Variants in CTNNA3 observed in about 807,000 individuals in gnomAD.
The protein encoded by CTNNA3 is catenin alpha-3.
In CTNNA3, 76 loss-of-function variants were observed where a neutral mutation model predicts 95.7. That is an observed-to-expected ratio of 0.79 (90% CI 0.66 to 0.96). The LOEUF (loss-of-function observed/expected upper bound fraction) is 0.96. Ranked by LOEUF, CTNNA3 falls within the 40% of genes least tolerant of loss-of-function variation. CTNNA3 has a pLI of 0.00. For missense variants in CTNNA3, 1,191 were observed against 1,089.8 expected (o/e 1.09, Z -1.31); for synonymous variants, 431 against 374.4 (o/e 1.15, Z -1.74).
At chr10:66,972,274 C>T (rs371116021) in intron 7 of CTNNA3, among the ~76,000 whole-genome samples, 100 of 152,232 alleles carry the variant, frequency 6.6e-4, no homozygotes, top group Middle Eastern at 3.4e-3. Flanking sequence ...ACTCCTTTAC[C>T]CACATGACAT....
At position 66,755,773 on chromosome 10, in the gene CTNNA3, T is replaced by C. The variant is rs79554614; in HGVS notation, c.1281+10491A>G. 4.5e-3 allele frequency among the ~76,000 whole-genome samples: 686 copies of C among 152,248 alleles called. 11 individuals are homozygous for C. The highest frequency in any genetic ancestry group is 6.8e-3 in the Middle Eastern group (2 of 294). On this transcript the variant is annotated intron_variant, in intron 9 of 17. Coordinates refer to ENST00000433211, the MANE Select transcript of CTNNA3 (RefSeq NM_013266.4). ...CTGTCTCTAAACTTTCCCTCTATTCTCATCTCCTTTTCCTAATTCAACTTT... is the reference window on the plus strand; with the variant it reads ...CTGTCTCTAAACTTTCCCTCTATTCCCATCTCCTTTTCCTAATTCAACTTT...
chr10:66,857,561 G>T (rs1187850538), intron 7 of CTNNA3, among the ~76,000 whole-genome samples: 2 of 151,892 alleles, frequency 1.3e-5, no homozygotes. Flanking sequence ...TTTTCCATTT[G>T]CTTATGTCAT....
intron 7 of CTNNA3, chr10:67,097,948 AAAG>A (rs1411910496): frequency 1.5e-6 from 1 of 661,638 alleles, no homozygotes; most frequent in Non-Finnish European, 2.6e-6. Flanking sequence ...TTCATGAAAT[AAAG>A]AAGACATGAA....
At chr10:66,409,964 C>G (rs190838546) in intron 11 of CTNNA3, among the ~76,000 whole-genome samples, 87 of 152,306 alleles carry the variant, frequency 5.7e-4, no homozygotes, top group Non-Finnish European at 9.7e-4. Flanking sequence ...TCCCAATTCT[C>G]TCTCCCTACC....
At chr10:66,124,910 T>A (rs931229617) in intron 13 of CTNNA3, among the ~76,000 whole-genome samples, 1 of 152,154 alleles carries the variant, frequency 6.6e-6, no homozygotes, top group Admixed American at 6.5e-5. Flanking sequence ...TAATATGAGA[T>A]TTTGGAGGGG....
intron 17 of CTNNA3, among the ~76,000 whole-genome samples, chr10:65,952,582 A>G (rs1025754225): frequency 6.6e-6 from 1 of 151,918 alleles, no homozygotes; most frequent in East Asian, 1.9e-4. Flanking sequence ...CTTTCTGTCT[A>G]CAAATGATTG....
At chr10:66,029,247 T>C (rs1032655754) in intron 15 of CTNNA3, among the ~76,000 whole-genome samples, 4 of 152,148 alleles carry the variant, frequency 2.6e-5, no homozygotes, top group Non-Finnish European at 4.4e-5. Flanking sequence ...AAAAATGTAA[T>C]ACAGAGCAGT....
At chr10:67,515,951 C>T (rs1376973265) in intron 5 of CTNNA3, among the ~76,000 whole-genome samples, 1 of 152,014 alleles carries the variant, frequency 6.6e-6, no homozygotes, top group Non-Finnish European at 1.5e-5. Context: ...TGTTCTTTAT[C>T]TTTTATTTTA....
intron 5 of CTNNA3, among the ~76,000 whole-genome samples, chr10:67,396,178 TTCAGAAAGGAAACAGAATATA>T (rs1433596508): frequency 1.3e-5 from 2 of 152,048 alleles, no homozygotes; most frequent in Non-Finnish European, 2.9e-5. Context: ...ACATCAATTA[TTCAGAAAGGAAACAGAATATA>T]TCCTAGGAAG....
intron 15 of CTNNA3, among the ~76,000 whole-genome samples, chr10:66,025,690 A>T (rs2079319000): frequency 6.6e-6 from 1 of 152,152 alleles, no homozygotes; most frequent in Admixed American, 6.5e-5. Flanking sequence ...TAATTATGTA[A>T]AATGGAGTAC....
chr10:67,661,327 G>A (rs373022763), intron 1 of CTNNA3, among the ~76,000 whole-genome samples: 1 of 151,518 alleles, frequency 6.6e-6, no homozygotes, highest in Admixed American at 6.6e-5. Flanking sequence ...GGAAGGAAGG[G>A]AAGAAAGTCA....
chr10:66,362,625 A>G (rs1010311099), intron 12 of CTNNA3, among the ~76,000 whole-genome samples: 3 of 151,852 alleles, frequency 2.0e-5, no homozygotes, highest in African/African-American at 7.2e-5. Flanking sequence ...AAGTGGGAGA[A>G]TCACTTGAAC....
At chr10:66,562,890 C>T (rs1163495008) in intron 10 of CTNNA3, among the ~76,000 whole-genome samples, 1 of 152,108 alleles carries the variant, frequency 6.6e-6, no homozygotes, top group Non-Finnish European at 1.5e-5. Flanking sequence ...CTAACTCCAA[C>T]ATAGCATAAC....
At chr10:67,405,694 C>G (rs1845116482) in intron 5 of CTNNA3, among the ~76,000 whole-genome samples, 1 of 152,110 alleles carries the variant, frequency 6.6e-6, no homozygotes, top group Non-Finnish European at 1.5e-5. Context: ...AACTCTGGAT[C>G]AAGTGGAACT....
chr10:65,998,899 C>T (rs1003902903), intron 15 of CTNNA3, among the ~76,000 whole-genome samples: 92 of 152,072 alleles, frequency 6.0e-4, no homozygotes, highest in Non-Finnish European at 1.8e-4. Flanking sequence ...ACCTAAAATA[C>T]TTGTGCCCTG....
chr10:66,498,631 G>A (rs10997193), intron 11 of CTNNA3, among the ~76,000 whole-genome samples: 71,921 of 151,616 alleles, frequency 0.47, 18,852 homozygotes, highest in Non-Finnish European at 0.59. Context: ...TTTTACATTA[G>A]GTAATAAAGA....
At chr10:66,528,625 T>C (rs1211631615) in intron 10 of CTNNA3, among the ~76,000 whole-genome samples, 1 of 152,194 alleles carries the variant, frequency 6.6e-6, no homozygotes, top group African/African-American at 2.4e-5. Flanking sequence ...AGGATACATT[T>C]AGTTTGTGTT....
chr10:65,989,813 T>C (rs1287168587), intron 15 of CTNNA3, among the ~76,000 whole-genome samples: 1 of 152,092 alleles, frequency 6.6e-6, no homozygotes, highest in Non-Finnish European at 1.5e-5. Flanking sequence ...ATTTGAATTG[T>C]TCTTTCTAAC....
chr10:67,430,820 T>C (rs200398629), intron 5 of CTNNA3, among the ~76,000 whole-genome samples: 5 of 138,770 alleles, frequency 3.6e-5, no homozygotes, highest in Admixed American at 2.2e-4. Context: ...CAAACATAAC[T>C]ACACACACAC....
Sources: allele counts gnomAD v4.1 joint callset (sites outside exome capture counted in the v4.1 genomes callset), GRCh38; gene constraint gnomAD v4.1.1; transcripts MANE v1.5; gene names NCBI Gene and HGNC (gene_info 2026-07-23, HGNC 2026-07-21).